Variants in SDK2 observed in about 807,000 individuals in gnomAD.
SDK2 encodes sidekick cell adhesion molecule 2, also known as protein sidekick-2.
A neutral mutation model predicts 253.9 loss-of-function variants in SDK2; 105 were observed. That is an observed-to-expected ratio of 0.41 (90% CI 0.35 to 0.49). The LOEUF is 0.49. SDK2 is among the 20% of genes least tolerant of loss of function. SDK2 has a pLI of 0.06. For missense variants in SDK2, 2,608 were observed against 3,003.0 expected, an observed-to-expected ratio of 0.87 and a Z score of 3.07; for synonymous variants, 1,249 against 1,234.9, an observed-to-expected ratio of 1.01 and a Z score of -0.24.
At chr17:73,356,185 C>A (rs972054309) in intron 40 of SDK2, among the ~76,000 whole-genome samples, 74 of 152,210 alleles carry the variant, frequency 4.9e-4, no homozygotes, top group Non-Finnish European at 7.5e-4. Context: ...CCCTGCCCAA[C>A]GCAGTCAGGT....
At chr17:73,372,855 A>G (rs1234669236) in intron 36 of SDK2, among the ~76,000 whole-genome samples, 5 of 152,240 alleles carry the variant, frequency 3.3e-5, no homozygotes, top group Non-Finnish European at 7.3e-5. Flanking sequence ...AATGATTACC[A>G]CAATCAAGCT....
At chr17:73,513,688 C>G (rs1250514805) in intron 1 of SDK2, 1 of 152,196 alleles carries the variant, frequency 6.6e-6, no homozygotes, top group Non-Finnish European at 1.5e-5. Flanking sequence ...TGGAAATGGC[C>G]TGAATGCCTA....
chr17:73,569,266 C>T lies in SDK2; in HGVS notation c.65-61669G>A, dbSNP rs370018961. 4.0e-5 allele frequency among the ~76,000 whole-genome samples: 6 copies of T among 150,782 alleles called. No homozygotes were observed. The East Asian group carries it at 5.8e-4, about 15-fold the overall frequency. Reference sequence around the variant, plus strand: ...AGGCTGGAGGGCAATGGCGTCATCTCAGCTCATTGCAACCTCCGCCTCCCA... The same window carrying T: ...AGGCTGGAGGGCAATGGCGTCATCTTAGCTCATTGCAACCTCCGCCTCCCA... On this transcript the variant is annotated intron_variant, in intron 1 of 44. Coordinates refer to ENST00000392650, the MANE Select transcript of SDK2 (RefSeq NM_001144952.2).
chr17:73,524,291 T>A (rs1330130913), intron 1 of SDK2, among the ~76,000 whole-genome samples: 1 of 152,148 alleles, frequency 6.6e-6, no homozygotes, highest in African/African-American at 2.4e-5. Context: ...TGATAGGTCC[T>A]TTCCAACCCC....
chr17:73,372,779 A>G (rs149303642), intron 36 of SDK2, among the ~76,000 whole-genome samples: 1 of 152,216 alleles, frequency 6.6e-6, no homozygotes, highest in East Asian at 1.9e-4. Context: ...AAAACAAAAA[A>G]ACCCCAAAAA....
At chr17:73,358,887 C>T (rs1255298495) in intron 39 of SDK2, among the ~76,000 whole-genome samples, 3 of 152,204 alleles carry the variant, frequency 2.0e-5, no homozygotes, top group East Asian at 3.9e-4. Flanking sequence ...AATGAAGGTA[C>T]GTCAGGAGCA....
chr17:73,393,668 T>C lies in SDK2; in HGVS notation c.3790A>G (p.Thr1264Ala). The C allele has an allele frequency of 1.2e-6, 2 of 1,600,024 alleles. No individual in the cohort carries two copies. Among genetic ancestry groups the C allele is most frequent in the Non-Finnish European group, 1.7e-6 (2 of 1,169,436 alleles). ...EGNSSRSAQL[T>A]GLGKYVLYEV... is the part of the protein sequence containing the mutation. ...TAGAGCACGTATTTGCCCAAGCCGG[T>C]GAGCTGGGCACTGCGAGACGAGTTG... is the stretch of plus-strand genomic sequence containing the variant. Residue 1264 changes from threonine (T) to alanine (A), a missense_variant, in exon 27 of 45, where the codon ACC becomes GCC. By Grantham distance (58) the Thr-to-Ala change is moderately conservative. This residue lies in a region of SDK2 where 1,505 missense variants were observed against 1,859.1 expected (regional missense o/e 0.81). Transcript: ENST00000392650.
intron 18 of SDK2, among the ~76,000 whole-genome samples, chr17:73,405,813 G>A (rs774665488): frequency 1.5e-4 from 23 of 149,804 alleles, no homozygotes; most frequent in Non-Finnish European, 3.0e-4. Context: ...TCCGCCTCTC[G>A]GGTTCACGCC....
chr17:73,538,597 C>A (rs371664589), intron 1 of SDK2, among the ~76,000 whole-genome samples: 1 of 152,194 alleles, frequency 6.6e-6, no homozygotes, highest in African/African-American at 2.4e-5. Flanking sequence ...TCCTGGCCTC[C>A]GAATGAACAG....
chr17:73,371,671 G>A (rs1010802213), intron 36 of SDK2, among the ~76,000 whole-genome samples: 1 of 152,042 alleles, frequency 6.6e-6, no homozygotes, highest in African/African-American at 2.4e-5. Context: ...AAGAAAATGT[G>A]AGGTCAGGCC....
At chr17:73,479,364 C>T (rs143712890) in intron 2 of SDK2, among the ~76,000 whole-genome samples, 91 of 152,320 alleles carry the variant, frequency 6.0e-4, no homozygotes, top group African/African-American at 2.0e-3. Context: ...TGTGTGTCCT[C>T]AGACACCTGT....
intron 1 of SDK2, among the ~76,000 whole-genome samples, chr17:73,602,523 CTTT>C (rs1165821559): frequency 7.1e-6 from 1 of 140,098 alleles, no homozygotes; most frequent in Admixed American, 7.1e-5. Context: ...AGTCTAAGTT[CTTT>C]TTTTTTTTTT....
At chr17:73,483,512 T>A (rs868368475) in intron 2 of SDK2, among the ~76,000 whole-genome samples, 1 of 57,736 alleles carries the variant, frequency 1.7e-5, no homozygotes, top group African/African-American at 5.7e-5. Flanking sequence ...TGTGTGTGTA[T>A]GTGTGTGTGT....
intron 16 of SDK2, among the ~76,000 whole-genome samples, chr17:73,416,597 T>C (rs1485738411): frequency 6.6e-6 from 1 of 151,836 alleles, no homozygotes; most frequent in African/African-American, 2.4e-5. Context: ...TATTATTTTA[T>C]TTTATTTTTT....
At chr17:73,427,642 C>CAAAAAAAAAAA (rs9302965) in intron 12 of SDK2, among the ~76,000 whole-genome samples, 16 of 105,784 alleles carry the variant, frequency 1.5e-4, no homozygotes, top group East Asian at 5.8e-4. Flanking sequence ...CATCCACATG[C>CAAAAAAAAAAA]AAAAAAAAAA....
At chr17:73,494,247 A>G (rs1253015890) in intron 2 of SDK2, among the ~76,000 whole-genome samples, 1 of 152,102 alleles carries the variant, frequency 6.6e-6, no homozygotes, top group African/African-American at 2.4e-5. Context: ...TCTGATGTGA[A>G]CTCATGCCAT....
At chr17:73,573,195 T>C (rs953965456) in intron 1 of SDK2, among the ~76,000 whole-genome samples, 1 of 152,086 alleles carries the variant, frequency 6.6e-6, no homozygotes, top group East Asian at 1.9e-4. Flanking sequence ...GAGAACACAC[T>C]CTGGGCCAGC....
At chr17:73,343,799 G>C (rs954706011) in intron 44 of SDK2, among the ~76,000 whole-genome samples, 1 of 152,242 alleles carries the variant, frequency 6.6e-6, no homozygotes, top group African/African-American at 2.4e-5. Flanking sequence ...CTCAGCCTTA[G>C]GGATGGTGTT....
At chr17:73,463,948 T>G (rs1385212707) in intron 3 of SDK2, among the ~76,000 whole-genome samples, 2 of 152,230 alleles carry the variant, frequency 1.3e-5, no homozygotes, top group East Asian at 3.8e-4. Context: ...AAACCCCAGT[T>G]GGTATCAATT....
Sources: allele counts gnomAD v4.1 joint callset (sites outside exome capture counted in the v4.1 genomes callset), GRCh38; gene constraint gnomAD v4.1.1; regional missense constraint gnomAD v4.1.1; transcripts MANE v1.5; gene names NCBI Gene and HGNC (gene_info 2026-07-23, HGNC 2026-07-21).